DPYD: variants seen among roughly 807,000 people sequenced by gnomAD.
DPYD encodes the protein dihydropyrimidine dehydrogenase.
In DPYD, 109 loss-of-function variants were observed where a neutral mutation model predicts 116.2. That is an observed-to-expected ratio of 0.94 (90% CI 0.80 to 1.10). DPYD has a LOEUF of 1.10. DPYD is among the 50% of genes least tolerant of loss of function. DPYD has a pLI of 0.00. For synonymous variants in DPYD, 440 were observed against 432.0 expected (o/e 1.02, Z -0.23); for missense variants, 1,302 against 1,254.5 (o/e 1.04, Z -0.57).
chr1:97,260,302 TA>T (rs1482334287), intron 18 of DPYD, among the ~76,000 whole-genome samples: 1 of 152,132 alleles, frequency 6.6e-6, no homozygotes, highest in Non-Finnish European at 1.5e-5. Flanking sequence ...TATAACTAGT[TA>T]CATCAGTTTC....
chr1:97,661,684 GGTTA>G (rs1333591444), intron 8 of DPYD, among the ~76,000 whole-genome samples: 1 of 151,954 alleles, frequency 6.6e-6, no homozygotes, highest in Non-Finnish European at 1.5e-5. Context: ...TAACTTTATT[GGTTA>G]GTAAGAAAAA....
intron 1 of DPYD, among the ~76,000 whole-genome samples, chr1:97,920,117 T>A (rs61787827): frequency 0.08 from 12,215 of 152,258 alleles, 653 homozygotes; most frequent in South Asian, 0.11. Context: ...CTAGGTTTAG[T>A]ATGTGTAAAA....
At chr1:97,728,416 C>T (rs1262201773) in intron 4 of DPYD, among the ~76,000 whole-genome samples, 2 of 151,962 alleles carry the variant, frequency 1.3e-5, no homozygotes, top group African/African-American at 4.8e-5. Context: ...TAGTGTCATT[C>T]CTCCACAATT....
chr1:97,233,429 G>A (rs1012687279), intron 19 of DPYD, among the ~76,000 whole-genome samples: 6 of 152,116 alleles, frequency 3.9e-5, no homozygotes, highest in African/African-American at 7.2e-5. Flanking sequence ...GATATGGGAT[G>A]GGGGTGAGGG....
At chr1:97,619,904 G>A (rs1331492047) in intron 8 of DPYD, among the ~76,000 whole-genome samples, 2 of 152,094 alleles carry the variant, frequency 1.3e-5, no homozygotes, top group East Asian at 3.8e-4. Flanking sequence ...ATTTGAGGAA[G>A]TTAAATCAAA....
At chr1:97,105,412 C>T (rs1385824088) in intron 20 of DPYD, among the ~76,000 whole-genome samples, 11 of 152,044 alleles carry the variant, frequency 7.2e-5, no homozygotes, top group Admixed American at 7.2e-4. Flanking sequence ...TGCATTGCTC[C>T]AATCTAAATC....
At chr1:97,474,738 G>A (rs1677857293) in intron 13 of DPYD, among the ~76,000 whole-genome samples, 1 of 151,804 alleles carries the variant, frequency 6.6e-6, no homozygotes, top group East Asian at 1.9e-4. Flanking sequence ...ATTTAATTTT[G>A]GCATTTTGAA....
In DPYD at chr1:97,515,803, T is replaced by C; in HGVS notation, c.1663A>G (p.Thr555Ala). Residue 555 changes from threonine to alanine, a missense_variant, in exon 13 of 23, where the codon ACC becomes GCC. Physicochemically the swap from Thr to Ala is moderately conservative, Grantham distance 58. Coordinates refer to ENST00000370192, the MANE Select transcript of DPYD (RefSeq NM_000110.4). ...PFGLASATPATSTSMIRRAFE... is the reference protein window; with the variant it reads ...PFGLASATPAASTSMIRRAFE... Reference sequence around the variant, plus strand: ...GCTCTTCGAATCATTGATGTGCTGGTGGCTGGAGTTGCGCTAGCAAGACCA... The same window carrying C: ...GCTCTTCGAATCATTGATGTGCTGGCGGCTGGAGTTGCGCTAGCAAGACCA... The C allele has an allele frequency of 6.2e-7, 1 of 1,612,962 alleles. No homozygotes were observed. Among genetic ancestry groups the C allele is most frequent in the Non-Finnish European group, 8.5e-7 (1 of 1,179,272 alleles).
intron 20 of DPYD, among the ~76,000 whole-genome samples, chr1:97,108,156 C>T (rs1488149407): frequency 1.3e-5 from 2 of 152,078 alleles, no homozygotes; most frequent in African/African-American, 4.8e-5. Flanking sequence ...AAGCAATGCC[C>T]CATGGGAGGC....
intron 16 of DPYD, among the ~76,000 whole-genome samples, chr1:97,345,412 T>C (rs1257869657): frequency 2.0e-5 from 3 of 151,954 alleles, no homozygotes; most frequent in African/African-American, 7.2e-5. Context: ...TAAATGTTCA[T>C]TCACAACTAT....
At chr1:97,847,011 T>G (rs1670332323) in intron 2 of DPYD, among the ~76,000 whole-genome samples, 1 of 152,220 alleles carries the variant, frequency 6.6e-6, no homozygotes, top group African/African-American at 2.4e-5. Context: ...TTTTAGCTAT[T>G]CACCTTCAAA....
At chr1:97,720,983 C>T (rs889636246) in intron 5 of DPYD, 3 of 1,584,158 alleles carry the variant, frequency 1.9e-6, no homozygotes, top group South Asian at 1.2e-5. Context: ...ACATTTTTTA[C>T]CCAAATAAAA....
At chr1:97,828,981 T>G (rs1219617105) in intron 2 of DPYD, among the ~76,000 whole-genome samples, 2 of 151,906 alleles carry the variant, frequency 1.3e-5, no homozygotes, top group African/African-American at 4.8e-5. Context: ...TATACGTACT[T>G]AAAACTCACT....
At chr1:97,758,895 C>CAA (rs1665411284) in intron 3 of DPYD, among the ~76,000 whole-genome samples, 1 of 152,088 alleles carries the variant, frequency 6.6e-6, no homozygotes, top group Non-Finnish European at 1.5e-5. Context: ...ATATCCTGTC[C>CAA]CTGCTACTTG....
intron 13 of DPYD, among the ~76,000 whole-genome samples, chr1:97,461,042 A>C (rs1462056873): frequency 6.6e-6 from 1 of 151,844 alleles, no homozygotes; most frequent in Non-Finnish European, 1.5e-5. Flanking sequence ...CATCTGAAAA[A>C]AAAAAAAAAA....
At chr1:97,174,131 A>G (rs1009130859) in intron 20 of DPYD, among the ~76,000 whole-genome samples, 4 of 152,094 alleles carry the variant, frequency 2.6e-5, no homozygotes, top group Non-Finnish European at 1.5e-5. Context: ...GTTTGTTTGT[A>G]TAAGGGTAGG....
At chr1:97,642,721 G>C (rs1205563157) in intron 8 of DPYD, among the ~76,000 whole-genome samples, 1 of 121,898 alleles carries the variant, frequency 8.2e-6, no homozygotes, top group African/African-American at 3.1e-5. Context: ...TCACACTCTG[G>C]GGACTGTTGT....
intron 21 of DPYD, among the ~76,000 whole-genome samples, chr1:97,089,827 GTTTTTTTT>G (rs112112819): frequency 7.9e-6 from 1 of 126,610 alleles, no homozygotes; most frequent in Non-Finnish European, 1.7e-5. Context: ...CATTTTGTTT[GTTTTTTTT>G]TTTTTTTTTT....
intron 20 of DPYD, among the ~76,000 whole-genome samples, chr1:97,184,155 C>T (rs933861068): frequency 7.2e-5 from 11 of 152,090 alleles, no homozygotes; most frequent in African/African-American, 2.7e-4. Context: ...TTTTCTTTAT[C>T]CAATCTGTCA....
Sources: gnomAD v4.1 joint callset for allele counts (sites outside exome capture counted in the v4.1 genomes callset) on GRCh38, gnomAD v4.1.1 for gene constraint, MANE v1.5 for transcripts, NCBI Gene and HGNC (gene_info 2026-07-23, HGNC 2026-07-21) for gene names.